CNNM2: variants seen among roughly 807,000 people sequenced by gnomAD.
CNNM2 encodes metal transporter CNNM2.
A neutral mutation model predicts 66.9 loss-of-function variants in CNNM2; 12 were observed. The ratio of observed to expected loss-of-function variants is 0.18; its 90% CI spans 0.11 to 0.29. The LOEUF (loss-of-function observed/expected upper bound fraction) is 0.29, where lower values mean the gene tolerates loss of function less well. Among genes scored for constraint, CNNM2 ranks in the 10% least tolerant of loss-of-function variants. The pLI, the probability that CNNM2 is intolerant of heterozygous loss-of-function variation, is 1.00. For missense variants in CNNM2, 705 were observed against 1,167.7 expected (o/e 0.60, Z 5.77); for synonymous variants, 557 against 501.8 (o/e 1.11, Z -1.47).
chr10:103,039,698 G>A (rs953228203), intron 1 of CNNM2, among the ~76,000 whole-genome samples: 1 of 152,138 alleles, frequency 6.6e-6, no homozygotes, highest in Non-Finnish European at 1.5e-5. Flanking sequence ...TGGCAGGGCA[G>A]CCCCAGTGGG....
chr10:103,077,063 G>T lies in CNNM2; in HGVS notation c.2511G>T (p.Leu837Phe), dbSNP rs1438731355. ...SSDSENTKIE[L>F]TLTELHDGLP... ...ACAGTGAAAACACTAAAATCGAATT[G>T]ACTCTTACGGAGCTGCATGACGGGT... The change falls in exon 8 of 8, where the codon TTG (leucine) becomes TTT (phenylalanine). Residue 837 changes from leucine to phenylalanine, a missense_variant. Leu to Phe is a conservative substitution (Grantham distance 22). Around this residue, in one of 9 missense-constraint regions of CNNM2, gnomAD observed 194 missense variants for 227.6 expected, o/e 0.85. Transcript: ENST00000369878. 4.3e-6 allele frequency: 7 copies of T among 1,613,920 alleles called. No individual in the cohort carries two copies. Among genetic ancestry groups the T allele is most frequent in the Non-Finnish European group, 5.1e-6 (6 of 1,179,886 alleles).
chr10:103,061,499 A>T lies in CNNM2; in HGVS notation c.2073+4535A>T, dbSNP rs17727044. Among the ~76,000 whole-genome samples, 11,665 of 152,260 alleles carry T rather than the reference A, an allele frequency of 0.077. 524 individuals carry two copies. Among genetic ancestry groups the T allele is most frequent in the Middle Eastern group, 0.17 (49 of 294 alleles). ...TGAACAGAGTCAGTGTTCTGTTGGC[A>T]TAATTGATGTGATAAAAGGAAAAAA... is the stretch of plus-strand genomic sequence containing the variant. On this transcript the variant is annotated intron_variant, in intron 4 of 7. Coordinates refer to ENST00000369878, the MANE Select transcript of CNNM2 (RefSeq NM_017649.5).
At chr10:103,044,702 T>G (rs545806536) in intron 1 of CNNM2, among the ~76,000 whole-genome samples, 10 of 152,220 alleles carry the variant, frequency 6.6e-5, no homozygotes, top group Non-Finnish European at 1.3e-4. Context: ...TGTTTTTCCT[T>G]TGTACTGTGC....
chr10:102,943,218 C>G (rs971570199), intron 1 of CNNM2, among the ~76,000 whole-genome samples: 1 of 151,828 alleles, frequency 6.6e-6, no homozygotes, highest in African/African-American at 2.4e-5. Context: ...AAGCAAGACT[C>G]TGTCTCAAAA....
rs2066210806 is a variant in CNNM2, at chr10:103,089,761, GT to G, written c.*12584del. On this transcript the variant is annotated 3_prime_UTR_variant, in exon 8 of 8. Coordinates refer to ENST00000369878, the MANE Select transcript of CNNM2 (RefSeq NM_017649.5). ...GGGGCCAGTGGGAAGAGGTTGGGAG[GT>G]TTAATCTCACTAATTGACCGTGTCA... 1 of 1,614,060 alleles carries G rather than the reference GT, an allele frequency of 6.2e-7. No individual in the cohort carries two copies. The highest frequency in any genetic ancestry group is 1.1e-5 in the South Asian group (1 of 91,062).
At chr10:102,988,354 A>G (rs1051044981) in intron 1 of CNNM2, among the ~76,000 whole-genome samples, 4 of 152,164 alleles carry the variant, frequency 2.6e-5, no homozygotes, top group Admixed American at 2.0e-4. Flanking sequence ...TAGGGTCTCA[A>G]GACCCTTACT....
chr10:102,982,532 A>T (rs927546349), intron 1 of CNNM2, among the ~76,000 whole-genome samples: 3 of 152,228 alleles, frequency 2.0e-5, no homozygotes, highest in Non-Finnish European at 4.4e-5. Context: ...TTTGCAGGAG[A>T]GAGAAGCTGG....
chr10:103,051,654 C>A (rs1026304693), intron 2 of CNNM2, among the ~76,000 whole-genome samples: 1 of 152,004 alleles, frequency 6.6e-6, no homozygotes, highest in Non-Finnish European at 1.5e-5. Flanking sequence ...GCAGGATAAT[C>A]GCTTGAACCC....
At chr10:102,966,986 C>T (rs1422186394) in intron 1 of CNNM2, among the ~76,000 whole-genome samples, 1 of 152,126 alleles carries the variant, frequency 6.6e-6, no homozygotes, top group African/African-American at 2.4e-5. Flanking sequence ...CTGGTAGGTC[C>T]ATGGGGCTAC....
Position 103,049,780 on chromosome 10 carries a change from A to G in CNNM2, c.1695A>G (p.Gly565=). ...GGGATCCATTTTATGAAGTTCTGGG[A>G]ATCGTCACCTTAGAAGATGTGATTG... The part of the protein sequence containing the change: ...GEGDPFYEVL[G]IVTLEDVIEE... The change falls in exon 2 of 8, where the codon GGA becomes GGG. Residue 565 remains glycine (G), a synonymous_variant. Transcript: ENST00000369878. 4 of 1,613,906 alleles carry G rather than the reference A, an allele frequency of 2.5e-6. No homozygotes were observed. The highest frequency in any genetic ancestry group is 3.4e-6 in the Non-Finnish European group (4 of 1,179,772).
chr10:103,028,137 G>A (rs1357973841), intron 1 of CNNM2, among the ~76,000 whole-genome samples: 1 of 152,204 alleles, frequency 6.6e-6, no homozygotes, highest in Non-Finnish European at 1.5e-5. Context: ...CTGAGGTGAT[G>A]TTCCATAAGG....
At chr10:102,930,150 A>C (rs1047130313) in intron 1 of CNNM2, among the ~76,000 whole-genome samples, 2 of 152,232 alleles carry the variant, frequency 1.3e-5, no homozygotes, top group African/African-American at 4.8e-5. Context: ...CAAGGCAAGG[A>C]GTGGAGGAGA....
intron 1 of CNNM2, among the ~76,000 whole-genome samples, chr10:103,031,980 G>A (rs1338283199): frequency 6.6e-6 from 1 of 152,222 alleles, no homozygotes; most frequent in African/African-American, 2.4e-5. Context: ...TGCCTGCACT[G>A]ATGCACGAGC....
chr10:102,969,588 C>T (rs971615280), intron 1 of CNNM2, among the ~76,000 whole-genome samples: 5 of 152,072 alleles, frequency 3.3e-5, no homozygotes, highest in South Asian at 4.1e-4. Context: ...TAAATTATTT[C>T]GGCTATTTCA....
chr10:102,927,577 C>T (rs1353968936), intron 1 of CNNM2: 2 of 923,878 alleles, frequency 2.2e-6, no homozygotes, highest in African/African-American at 3.4e-5. Flanking sequence ...AGTCTGGCCA[C>T]CATGGTGAAA....
At chr10:103,058,507 C>A (rs568466977) in intron 4 of CNNM2, among the ~76,000 whole-genome samples, 1 of 152,228 alleles carries the variant, frequency 6.6e-6, no homozygotes, top group Middle Eastern at 3.4e-3. Flanking sequence ...TTCAGTAATG[C>A]TTTATTGCTA....
In CNNM2 at chr10:103,089,700, T is replaced by C; in HGVS notation, c.*12520T>C. ...TTCTTCCTCCTCCTCCTCCTCTTCA[T>C]CATCATCTTCGTCATGGCAGTGTGT... On this transcript the variant is annotated 3_prime_UTR_variant, in exon 8 of 8. Coordinates refer to ENST00000369878, the MANE Select transcript of CNNM2 (RefSeq NM_017649.5). 6.2e-7 allele frequency: 1 copy of C among 1,610,950 alleles called. No homozygotes were observed. The highest frequency in any genetic ancestry group is 1.7e-5 in the Admixed American group (1 of 59,664).
intron 1 of CNNM2, among the ~76,000 whole-genome samples, chr10:103,047,171 C>G (rs577775382): frequency 3.9e-5 from 6 of 152,128 alleles, no homozygotes; most frequent in Non-Finnish European, 8.8e-5. Context: ...ATGGAGAAAC[C>G]TGGGAAACAC....
intron 1 of CNNM2, among the ~76,000 whole-genome samples, chr10:102,952,137 T>C (rs1467592370): frequency 6.6e-6 from 1 of 151,708 alleles, no homozygotes. Flanking sequence ...TCAGAGTCTT[T>C]GCTATAATGT....
Sources: gnomAD v4.1 joint callset for allele counts (sites outside exome capture counted in the v4.1 genomes callset) on GRCh38, gnomAD v4.1.1 for gene constraint, gnomAD v4.1.1 regional missense constraint, MANE v1.5 for transcripts, NCBI Gene and HGNC (gene_info 2026-07-23, HGNC 2026-07-21) for gene names.